Variants in CSN2 observed in about 807,000 individuals in gnomAD.
CSN2 encodes beta-casein.
In CSN2, 27 loss-of-function variants were observed where a neutral mutation model predicts 27.3. The observed-to-expected ratio is 0.99, with a 90% CI of 0.73 to 1.36. The LOEUF (loss-of-function observed/expected upper bound fraction) is 1.36, where lower values mean the gene tolerates loss of function less well. Among genes scored for constraint, CSN2 ranks in the 40% most tolerant of loss-of-function variants. The pLI is 0.00. For synonymous variants in CSN2, 131 were observed against 94.8 expected, an observed-to-expected ratio of 1.38 and a Z score of -2.22; for missense variants, 333 against 264.5, an observed-to-expected ratio of 1.26 and a Z score of -1.80.
chr4:69,958,760 T>C, intron 5 of CSN2, 149 bp downstream of exon 5: 4 of 524,924 alleles, frequency 7.6e-6, no homozygotes, highest in Non-Finnish European at 1.3e-5. Context: ...TATATTGACT[T>C]TATCAATGTT....
intron 2 of CSN2, among the ~76,000 whole-genome samples, chr4:69,960,659 T>A (rs1025888168): frequency 1.3e-5 from 2 of 152,124 alleles, no homozygotes; most frequent in Non-Finnish European, 2.9e-5. Context: ...GTTGTATTTA[T>A]GCAATATTAT....
rs1470397250 is a variant in CSN2, at chr4:69,958,923, G to A, written c.130C>T (p.Gln44Ter). ...QKVEKVKHED[Q>*]QQGEDEHQDK... Reference sequence around the variant, plus strand: ...TAACAAATTACCTCTCCTTGCTGCTGGTCCTCATGTTTAACCTTCTCAACT... The same window carrying A: ...TAACAAATTACCTCTCCTTGCTGCTAGTCCTCATGTTTAACCTTCTCAACT... The change falls in exon 5 of 8, where the codon CAG becomes TAG. Residue 44 changes from glutamine to a stop codon, truncating the protein, a stop_gained. Transcript: ENST00000353151. LOFTEE classifies it high-confidence loss of function. The A allele has an allele frequency of 1.9e-6, 3 of 1,592,570 alleles. No homozygotes were observed. Among genetic ancestry groups the A allele is most frequent in the South Asian group, 1.1e-5 (1 of 89,400 alleles).
intron 1 of CSN2, among the ~76,000 whole-genome samples, chr4:69,961,672 C>T (rs1043558739): frequency 1.3e-5 from 2 of 152,260 alleles, no homozygotes; most frequent in East Asian, 1.9e-4. Flanking sequence ...AAAATTGGCA[C>T]AAGACAGGGA....
chr4:69,957,733 G>A lies in CSN2; in HGVS notation c.216C>T (p.Ile72=), dbSNP rs750277208. Reference sequence around the variant, plus strand: ...TGTTTTGTGGAAGAAAACCATAGGGGATAGGTTCAACGAATGGATAGATCA... The same window carrying A: ...TGTTTTGTGGAAGAAAACCATAGGGAATAGGTTCAACGAATGGATAGATCA... ...QPLIYPFVEP[I]PYGFLPQNIL... Residue 72 remains isoleucine, a synonymous_variant, in exon 6 of 8, where the codon ATC becomes ATT. Coordinates refer to ENST00000353151, the MANE Select transcript of CSN2 (RefSeq NM_001891.4). 3.7e-6 allele frequency: 6 copies of A among 1,613,856 alleles called. No individual in the cohort carries two copies. Among genetic ancestry groups the A allele is most frequent in the Non-Finnish European group, 5.1e-6 (6 of 1,179,954 alleles).
chr4:69,959,962 T>C (rs752939161), intron 3 of CSN2, 91 bp downstream of exon 3: 5 of 1,099,258 alleles, frequency 4.5e-6, no homozygotes, highest in Non-Finnish European at 6.9e-6. Context: ...GTCATTAACA[T>C]AGCTGCATTA....
Position 69,957,490 on chromosome 4 carries a change from G to C in CSN2, c.459C>G (p.Val153=), listed in dbSNP as rs1479743479. The C allele has an allele frequency of 1.2e-6, 2 of 1,613,902 alleles. No individual in the cohort carries two copies. The highest frequency in any genetic ancestry group is 2.7e-5 in the African/African-American group (2 of 75,028). ...LPLLQPLMQQ[V]PQPIPQTLAL... is the part of the protein sequence containing the mutation. ...CAAGAGTCTGAGGAATAGGCTGAGG[G>C]ACCTGCTGCATCAAGGGCTGGAGCA... Residue 153 remains valine (V), a synonymous_variant, in exon 6 of 8, where the codon GTC becomes GTG. Coordinates refer to ENST00000353151, the MANE Select transcript of CSN2 (RefSeq NM_001891.4).
chr4:69,959,152 T>A (rs1330190158), intron 3 of CSN2, 83 bp from the exon 4 acceptor site: 1 of 964,472 alleles, frequency 1.0e-6, no homozygotes, highest in African/African-American at 1.7e-5. Context: ...AAGGCATTAA[T>A]TCTTTGATAA....
At chr4:69,959,762 A>T (rs1419653811) in intron 3 of CSN2, among the ~76,000 whole-genome samples, 1 of 152,020 alleles carries the variant, frequency 6.6e-6, no homozygotes, top group Non-Finnish European at 1.5e-5. Context: ...GTATATGCTT[A>T]AGGTGAATAA....
Position 69,957,513 on chromosome 4 carries a change from G to A in CSN2, c.436C>T (p.Leu146Phe). Residue 146 changes from leucine to phenylalanine, a missense_variant, in exon 6 of 8, where the codon CTC becomes TTC. Physicochemically the swap from Leu to Phe is conservative, Grantham distance 22. Coordinates refer to ENST00000353151, the MANE Select transcript of CSN2 (RefSeq NM_001891.4). Reference sequence around the variant, plus strand: ...GGGACCTGCTGCATCAAGGGCTGGAGCAGAGGCAGAGGAAGATGCAGATTT... The same window carrying A: ...GGGACCTGCTGCATCAAGGGCTGGAACAGAGGCAGAGGAAGATGCAGATTT... ...LENLHLPLPL[L>F]QPLMQQVPQP... is the part of the protein sequence containing the mutation. 1 of 1,613,974 alleles carries A rather than the reference G, an allele frequency of 6.2e-7. No individual in the cohort carries two copies. The highest frequency in any genetic ancestry group is 8.5e-7 in the Non-Finnish European group (1 of 1,180,010).
At chr4:69,964,875 T>C (rs1235088494) in intron 1 of CSN2, among the ~76,000 whole-genome samples, 1 of 150,708 alleles carries the variant, frequency 6.6e-6, no homozygotes, top group African/African-American at 2.4e-5. Flanking sequence ...TTCTATACTA[T>C]AAATATACTA....
intron 6 of CSN2, among the ~76,000 whole-genome samples, chr4:69,956,935 T>A (rs1723414585): frequency 6.6e-6 from 1 of 152,072 alleles, no homozygotes; most frequent in South Asian, 2.1e-4. Flanking sequence ...TAGGTAAGCA[T>A]TAAGAATCAC....
At position 69,957,375 on chromosome 4, in the gene CSN2, G is replaced by T; in HGVS notation, c.574C>A (p.Pro192Thr). Residue 192 changes from proline (P) to threonine (T), a missense_variant, in exon 6 of 8, where the codon CCT (proline) becomes ACT (threonine). Pro to Thr is a conservative substitution (Grantham distance 38, BLOSUM62 -1). Transcript: ENST00000353151. The stretch of plus-strand genomic sequence containing the variant: ...TGGTTGAGCAGAAGGGCTTGAACAG[G>T]CACAGCTCTCTGAGGGTAGGGCACC... Reference protein sequence around the residue: ...QVVPYPQRAVPVQALLLNQEL... With the variant: ...QVVPYPQRAVTVQALLLNQEL... 1 of 1,613,510 alleles carries T rather than the reference G, an allele frequency of 6.2e-7. No homozygotes were observed. The highest frequency in any genetic ancestry group is 8.5e-7 in the Non-Finnish European group (1 of 1,179,848).
At chr4:69,960,891 A>C in intron 2 of CSN2, 54 bp downstream of exon 2, 1 of 1,347,500 alleles carries the variant, frequency 7.4e-7, no homozygotes, top group Non-Finnish European at 1.1e-6. Flanking sequence ...TCTACAAATA[A>C]GCATATAGTC....
chr4:69,957,744 C>G lies in CSN2; in HGVS notation c.205G>C (p.Val69Leu). ...FQPQPLIYPF[V>L]EPIPYGFLPQ... Reference sequence around the variant, plus strand: ...AGAAAACCATAGGGGATAGGTTCAACGAATGGATAGATCAGAGGCTGTGGC... The same window carrying G: ...AGAAAACCATAGGGGATAGGTTCAAGGAATGGATAGATCAGAGGCTGTGGC... Residue 69 changes from valine to leucine, a missense_variant, in exon 6 of 8, where the codon GTT becomes CTT. Val to Leu is a conservative substitution (Grantham distance 32). Coordinates refer to ENST00000353151, the MANE Select transcript of CSN2 (RefSeq NM_001891.4). 1.2e-6 allele frequency: 2 copies of G among 1,613,790 alleles called. No individual in the cohort carries two copies. Among genetic ancestry groups the G allele is most frequent in the Non-Finnish European group, 1.7e-6 (2 of 1,179,924 alleles).
intron 3 of CSN2, 44 bp downstream of exon 3, chr4:69,960,009 C>A (rs1329175291): frequency 6.3e-7 from 1 of 1,575,472 alleles, no homozygotes; most frequent in Admixed American, 1.7e-5. Context: ...AGAAAAATAG[C>A]ACAGGATTTT....
chr4:69,964,105 G>A (rs1010710618), intron 1 of CSN2, among the ~76,000 whole-genome samples: 4 of 151,830 alleles, frequency 2.6e-5, no homozygotes, highest in South Asian at 2.1e-4. Flanking sequence ...TTTCTTCTCC[G>A]TTTATATTCA....
In CSN2 at chr4:69,955,530, CTTA is replaced by C. The variant is rs1723370526; in HGVS notation, c.*96_*98del. The C allele has an allele frequency of 6.6e-6, 1 of 152,388 alleles. No individual in the cohort carries two copies. Among genetic ancestry groups the C allele is most frequent in the Non-Finnish European group, 1.5e-5 (1 of 67,938 alleles). The allele number at this position is 152,388 out of a possible 1,614,324, so 9.4% of individuals were successfully genotyped here. ...TTCCATATAAACTCATTCAAACATA[CTTA>C]ATTTGGGGTAACGTGATACAAAGAC... On this transcript the variant is annotated 3_prime_UTR_variant, in exon 8 of 8. Transcript: ENST00000353151.
chr4:69,957,582 T>C lies in CSN2; in HGVS notation c.367A>G (p.Ile123Val), dbSNP rs755950545. Residue 123 changes from isoleucine (I) to valine (V), a missense_variant, in exon 6 of 8, where the codon ATA (isoleucine) becomes GTA (valine). By Grantham distance (29) the Ile-to-Val change is conservative (BLOSUM62 3). Coordinates refer to ENST00000353151, the MANE Select transcript of CSN2 (RefSeq NM_001891.4). Reference sequence around the variant, plus strand: ...GGGATTTGAGGGTCAAAAAAGGGTATCGTTGGAGATTTAAGGACAGGCATC... The same window carrying C: ...GGGATTTGAGGGTCAAAAAAGGGTACCGTTGGAGATTTAAGGACAGGCATC... The part of the protein sequence containing the change: ...RVMPVLKSPT[I>V]PFFDPQIPKL... 11 of 1,613,890 alleles carry C rather than the reference T, an allele frequency of 6.8e-6. No individual in the cohort carries two copies. The highest frequency in any genetic ancestry group is 9.3e-6 in the Non-Finnish European group (11 of 1,179,956).
Position 69,957,644 on chromosome 4 carries a change from G to A in CSN2, c.305C>T (p.Pro102Leu), listed in dbSNP as rs758431693. ...PVPQPEIMEV[P>L]KAKDTVYTKG... ...AGTGTAGACAGTGTCTTTAGCTTTA[G>A]GGACTTCCATTATTTCAGGCTGAGG... is the stretch of plus-strand genomic sequence containing the variant. Residue 102 changes from proline (P) to leucine (L), a missense_variant, in exon 6 of 8, where the codon CCT (proline) becomes CTT (leucine). Physicochemically the swap from Pro to Leu is moderately conservative, Grantham distance 98 (BLOSUM62 -3). Coordinates refer to ENST00000353151, the MANE Select transcript of CSN2 (RefSeq NM_001891.4). 5 of 1,613,984 alleles carry A rather than the reference G, an allele frequency of 3.1e-6. 1 individual carries two copies. The highest frequency in any genetic ancestry group is 2.2e-5 in the South Asian group (2 of 91,084).
Sources: allele counts gnomAD v4.1 joint callset (sites outside exome capture counted in the v4.1 genomes callset), GRCh38; gene constraint gnomAD v4.1.1; transcripts MANE v1.5; gene names NCBI Gene and HGNC (gene_info 2026-07-23, HGNC 2026-07-21).